The following ARPC4 variants were observed in gnomAD, a reference collection of about 807,000 sequenced individuals.
ARPC4 encodes actin-related protein 2/3 complex subunit 4.
In ARPC4, 3 loss-of-function variants were observed where a neutral mutation model predicts 22.8. That is an observed-to-expected ratio of 0.13 (90% CI 0.06 to 0.34). The LOEUF is 0.34. ARPC4 is among the 10% of genes least tolerant of loss of function. The probability of loss-of-function intolerance (pLI) is 1.00; values close to 1 mark genes in which losing one functional copy is unlikely to be tolerated. For synonymous variants in ARPC4, 80 were observed against 72.5 expected (o/e 1.10, Z -0.52); for missense variants, 98 against 211.0 (o/e 0.46, Z 3.32).
upstream of ARPC4, chr3:9,792,610 A>C: frequency 8.1e-7 from 1 of 1,230,260 alleles, no homozygotes; most frequent in Non-Finnish European, 1.0e-6. Context: ...GGTCGGCCTC[A>C]GGCGAGCCCC....
At chr3:9,803,757 T>G in intron 4 of ARPC4, 86 bp from the exon 5 acceptor site, 1 of 1,383,574 alleles carries the variant, frequency 7.2e-7, no homozygotes, top group Non-Finnish European at 1.0e-6. Context: ...TGTGGATGAG[T>G]GGAGGACATG....
chr3:9,803,688 C>T, intron 4 of ARPC4, 155 bp from the exon 5 acceptor site: 2 of 877,402 alleles, frequency 2.3e-6, no homozygotes, highest in South Asian at 1.4e-5. Flanking sequence ...CCCAGAGCAG[C>T]TGGGCTGCTG....
chr3:9,797,523 CTGTT>C, intron 1 of ARPC4, 132 bp from the exon 2 acceptor site: 2 of 936,888 alleles, frequency 2.1e-6, no homozygotes, highest in Non-Finnish European at 3.2e-6. Context: ...AAGGCCTAGT[CTGTT>C]CTGTTCACAG....
chr3:9,796,394 C>T (rs2078887063), intron 1 of ARPC4, among the ~76,000 whole-genome samples: 1 of 152,066 alleles, frequency 6.6e-6, no homozygotes, highest in Non-Finnish European at 1.5e-5. Flanking sequence ...GACTCCCTCT[C>T]AAAAATAAAT....
intron 1 of ARPC4, among the ~76,000 whole-genome samples, chr3:9,793,526 C>T (rs536012126): frequency 6.6e-6 from 1 of 152,338 alleles, no homozygotes; most frequent in African/African-American, 2.4e-5. Context: ...TTGTCCTCTT[C>T]TGCCTTCCTG....
At chr3:9,803,175 G>A (rs577675800) in intron 4 of ARPC4, among the ~76,000 whole-genome samples, 2 of 152,226 alleles carry the variant, frequency 1.3e-5, no homozygotes, top group Admixed American at 6.5e-5. Flanking sequence ...GAGCCACCGC[G>A]CCCGGCCCAC....
At chr3:9,802,237 C>CAAAAAAA (rs1159841703) in intron 4 of ARPC4, among the ~76,000 whole-genome samples, 1 of 50,282 alleles carries the variant, frequency 2.0e-5, no homozygotes, top group East Asian at 1.1e-3. Context: ...GACTCCGTCT[C>CAAAAAAA]AAAAAAAAAA....
chr3:9,792,633 G>T (rs376745287), upstream of ARPC4: 13 of 1,231,418 alleles, frequency 1.1e-5, no homozygotes, highest in African/African-American at 9.3e-5. Context: ...GGCACAGCCC[G>T]GGGCGGGAGG....
chr3:9,801,585 C>G, intron 3 of ARPC4, 76 bp from the exon 4 acceptor site: 1 of 1,441,130 alleles, frequency 6.9e-7, no homozygotes, highest in Non-Finnish European at 9.4e-7. Context: ...AAACTGGAGT[C>G]AGAAGACCAG....
chr3:9,792,734 T>C (rs1260205014), upstream of ARPC4: 1 of 1,238,820 alleles, frequency 8.1e-7, no homozygotes, highest in East Asian at 3.2e-5. Flanking sequence ...AGGATGGGGG[T>C]ACAGAACCGG....
chr3:9,795,313 T>C (rs2078859971), intron 1 of ARPC4, among the ~76,000 whole-genome samples: 1 of 152,126 alleles, frequency 6.6e-6, no homozygotes, highest in Non-Finnish European at 1.5e-5. Flanking sequence ...TCAGTTCCAT[T>C]ATCCACTCCA....
At chr3:9,797,836 T>C in intron 2 of ARPC4, 59 bp downstream of exon 2, 1 of 1,531,330 alleles carries the variant, frequency 6.5e-7, no homozygotes, top group Non-Finnish European at 8.9e-7. Context: ...ATGGCTGCTG[T>C]CTAGAAGGTG....
intron 4 of ARPC4, among the ~76,000 whole-genome samples, chr3:9,802,154 G>T (rs1373446058): frequency 6.9e-6 from 1 of 145,648 alleles, no homozygotes; most frequent in Non-Finnish European, 1.5e-5. Context: ...CAGAGAACTG[G>T]TTGAACCTGG....
intron 1 of ARPC4, among the ~76,000 whole-genome samples, 198 bp from the exon 2 acceptor site, chr3:9,797,461 C>G (rs923179809): frequency 6.6e-6 from 1 of 152,156 alleles, no homozygotes; most frequent in African/African-American, 2.4e-5. Flanking sequence ...CCCTGGCAGG[C>G]AAAATTGTCT....
chr3:9,802,950 C>G (rs1030761989), intron 4 of ARPC4, among the ~76,000 whole-genome samples: 8 of 151,412 alleles, frequency 5.3e-5, no homozygotes, highest in Admixed American at 1.3e-4. Flanking sequence ...AGTCTGCAAT[C>G]TGGGCTCACT....
At chr3:9,799,296 T>A (rs919175494) in intron 2 of ARPC4, among the ~76,000 whole-genome samples, 9 of 152,246 alleles carry the variant, frequency 5.9e-5, no homozygotes, top group Admixed American at 4.6e-4. Context: ...AGGTTGAGTA[T>A]CTCTTATCCA....
At chr3:9,792,659 G>A, upstream of ARPC4, 1 of 1,232,236 alleles carries the variant, frequency 8.1e-7, no homozygotes, top group Non-Finnish European at 1.0e-6. Context: ...CTTGGCGGCC[G>A]AGATCTCCGC....
intron 4 of ARPC4, among the ~76,000 whole-genome samples, chr3:9,802,193 G>A (rs1421368703): frequency 4.6e-5 from 6 of 131,424 alleles, no homozygotes; most frequent in East Asian, 2.3e-4. Flanking sequence ...AGCCAAGATC[G>A]TGCCACTGTA....
chr3:9,805,016 A>G (rs2079080448), intron 5 of ARPC4, among the ~76,000 whole-genome samples: 1 of 152,226 alleles, frequency 6.6e-6, no homozygotes, highest in South Asian at 2.1e-4. Flanking sequence ...TTGAGCATTA[A>G]ATGAGACCAT....
Sources: allele counts gnomAD v4.1 joint callset (sites outside exome capture counted in the v4.1 genomes callset), GRCh38; gene constraint gnomAD v4.1.1; transcripts MANE v1.5; gene names NCBI Gene and HGNC (gene_info 2026-07-23, HGNC 2026-07-21).